The following ARHGAP6 variants were observed in gnomAD, a reference collection of about 807,000 sequenced individuals.
ARHGAP6 encodes the protein rho GTPase-activating protein 6.
ARHGAP6 carries 16 observed loss-of-function variants against 55.7 expected under a neutral mutation model. The ratio of observed to expected loss-of-function variants is 0.29; its 90% CI spans 0.19 to 0.44. The LOEUF (loss-of-function observed/expected upper bound fraction) is 0.44. ARHGAP6 is among the 20% of genes least tolerant of loss of function. The probability of loss-of-function intolerance (pLI) is 1.00; values close to 1 mark genes in which losing one functional copy is unlikely to be tolerated. For missense variants in ARHGAP6, 698 were observed against 808.9 expected, an observed-to-expected ratio of 0.86 and a Z score of 1.66; for synonymous variants, 382 against 360.9, an observed-to-expected ratio of 1.06 and a Z score of -0.66.
At chrX:11,152,356 C>T (rs1602737719) in intron 10 of ARHGAP6, among the ~76,000 whole-genome samples, 1 of 112,074 alleles carries the variant, frequency 8.9e-6, no homozygotes, top group East Asian at 2.8e-4. Flanking sequence ...GCCAATGCAG[C>T]CAGCACCATC....
At chrX:11,645,561 C>T (rs181504464) in intron 1 of ARHGAP6, among the ~76,000 whole-genome samples, 4 of 111,993 alleles carry the variant, frequency 3.6e-5, no homozygotes, top group Admixed American at 2.8e-4. Flanking sequence ...GACAAACATA[C>T]GTATTTTATT....
At chrX:11,344,678 C>CAAAAAAAAAAAAAAAAGAAAAAAAAAAAA (rs2048751974) in intron 1 of ARHGAP6, among the ~76,000 whole-genome samples, 1 of 28,271 alleles carries the variant, frequency 3.5e-5, no homozygotes, top group African/African-American at 1.5e-4. Context: ...AACTCCATCA[C>CAAAAAAAAAAAAAAAAGAAAAAAAAAAAA]AAAAAAAAAA....
At chrX:11,645,462 C>T (rs2052516997) in intron 1 of ARHGAP6, among the ~76,000 whole-genome samples, 2 of 111,596 alleles carry the variant, frequency 1.8e-5, no homozygotes, top group South Asian at 7.5e-4. Context: ...TACCAAGGTT[C>T]TCAGCAATTC....
At chrX:11,433,464 T>C (rs1569342602) in intron 1 of ARHGAP6, among the ~76,000 whole-genome samples, 1 of 112,149 alleles carries the variant, frequency 8.9e-6, no homozygotes, top group Non-Finnish European at 1.9e-5. Context: ...TTCTAATATA[T>C]ATGTTCTATT....
intron 1 of ARHGAP6, among the ~76,000 whole-genome samples, chrX:11,285,933 C>G (rs1329392953): frequency 8.9e-6 from 1 of 112,187 alleles, no homozygotes; most frequent in Non-Finnish European, 1.9e-5. Context: ...CACTTGTTTT[C>G]GTTAGCTACG....
Position 11,139,415 on chromosome X carries a change from G to A in ARHGAP6, c.2373C>T (p.Asp791=), listed in dbSNP as rs1009758. Residue 791 remains aspartate, a synonymous_variant, in exon 13 of 13, where the codon GAC becomes GAT. Coordinates refer to ENST00000337414, the MANE Select transcript of ARHGAP6 (RefSeq NM_013427.3). ...PRWQGSPAEL[D]SDTQGARRTQ... ...TCCTCCGAGCCCCCTGCGTGTCGCT[G>A]TCCAGCTCTGCGGGGCTCCCCTGCC... The A allele has an allele frequency of 5.9e-6, 7 of 1,187,633 alleles. No individual in the cohort carries two copies. The Admixed American group carries it at 1.7e-4, about 29-fold the overall frequency.
At chrX:11,556,421 T>C (rs1340385341) in intron 1 of ARHGAP6, among the ~76,000 whole-genome samples, 1 of 112,189 alleles carries the variant, frequency 8.9e-6, no homozygotes, top group Non-Finnish European at 1.9e-5. Flanking sequence ...GAGGCCAGGC[T>C]ATGTGCCAGT....
At chrX:11,628,880 AC>A (rs2052328601) in intron 1 of ARHGAP6, among the ~76,000 whole-genome samples, 1 of 112,444 alleles carries the variant, frequency 8.9e-6, no homozygotes, top group South Asian at 3.6e-4. Flanking sequence ...AATTATGTGT[AC>A]TAATCATTCC....
At chrX:11,190,739 T>C (rs182985357) in intron 3 of ARHGAP6, among the ~76,000 whole-genome samples, 85 of 111,135 alleles carry the variant, frequency 7.6e-4, no homozygotes, top group African/African-American at 2.7e-3. Context: ...TACTATAAGA[T>C]AGGGACTACT....
In ARHGAP6 at chrX:11,138,699, G is replaced by C; in HGVS notation, c.*164C>G. The C allele has an allele frequency of 1.9e-6, 1 of 537,220 alleles. No homozygotes were observed. The highest frequency in any genetic ancestry group is 3.7e-5 in the East Asian group (1 of 27,067). The allele number at this position is 537,220 out of a possible 1,213,427, so 44.3% of individuals were successfully genotyped here. The stretch of plus-strand genomic sequence containing the variant: ...CAATGGAACCTTATTCTCAATGGCG[G>C]GGGCGTGAGTGCTCTACCTCTGTAG... On this transcript the variant is annotated 3_prime_UTR_variant, in exon 13 of 13. Coordinates refer to ENST00000337414, the MANE Select transcript of ARHGAP6 (RefSeq NM_013427.3).
intron 1 of ARHGAP6, among the ~76,000 whole-genome samples, chrX:11,501,237 C>G (rs5935082): frequency 0.12 from 12,823 of 111,280 alleles, 735 homozygotes; most frequent in African/African-American, 0.21. Flanking sequence ...GATTGCTTCA[C>G]ACCAGGAAAT....
intron 10 of ARHGAP6, among the ~76,000 whole-genome samples, chrX:11,152,530 G>A (rs1017793419): frequency 9.0e-6 from 1 of 111,620 alleles, no homozygotes; most frequent in African/African-American, 3.3e-5. Context: ...CATATTTACT[G>A]TTATGTCCAG....
At chrX:11,508,738 T>C (rs2050757048) in intron 1 of ARHGAP6, among the ~76,000 whole-genome samples, 2 of 108,514 alleles carry the variant, frequency 1.8e-5, no homozygotes, top group African/African-American at 6.7e-5. Flanking sequence ...AGATATCCCT[T>C]CAACCATCAC....
chrX:11,573,125 T>A (rs747508608), intron 1 of ARHGAP6, among the ~76,000 whole-genome samples: 3 of 111,346 alleles, frequency 2.7e-5, no homozygotes, highest in Admixed American at 9.5e-5. Context: ...TGTTCTACCA[T>A]TTTGTAGGTT....
At chrX:11,370,887 G>A (rs2049136159) in intron 1 of ARHGAP6, among the ~76,000 whole-genome samples, 1 of 110,038 alleles carries the variant, frequency 9.1e-6, no homozygotes, top group Non-Finnish European at 1.9e-5. Context: ...TTCAAAGTAT[G>A]CTTACAAACA....
chrX:11,201,989 CTGTGTGTGTGTGTGTGTGTGTGTGTGTG>C (rs56023548), intron 2 of ARHGAP6, among the ~76,000 whole-genome samples: 10 of 65,536 alleles, frequency 1.5e-4, no homozygotes, highest in Non-Finnish European at 2.2e-4. Context: ...GCATCTGGAT[CTGTGTGTGTGTGTGTGTGTGTGTGTGTG>C]TGTGTGTGTG....
rs1274689353 is a variant in ARHGAP6, at chrX:11,174,573, CCTTT to C, written c.1629+3523_1629+3526del. Among the ~76,000 whole-genome samples the C allele has an allele frequency of 3.0e-3, 126 of 42,216 alleles. 1 individual carries two copies. The highest frequency in any genetic ancestry group is 3.8e-3 in the East Asian group (5 of 1,300). The allele number at this position is 42,216 out of a possible 115,157, so 36.7% of individuals were successfully genotyped here. On this transcript the variant is annotated intron_variant, in intron 8 of 12. Coordinates refer to ENST00000337414, the MANE Select transcript of ARHGAP6 (RefSeq NM_013427.3). ...TCCTTCCTTCCTTCCTTCCTTCCTT[CCTTT>C]CTTTCTTTCTTTCTTTTTCTTTCTT...
In ARHGAP6 at chrX:11,143,532, T is replaced by G. The variant is rs1030645754; in HGVS notation, c.2176+448A>C. 20 of 827,197 alleles carry G rather than the reference T, an allele frequency of 2.4e-5. No individual in the cohort carries two copies. In the African/African-American group the frequency reaches 4.1e-4, roughly 17 times the overall value. 68.2% of individuals were successfully genotyped at this position (827,197 alleles called of 1,213,427 possible). On this transcript the variant is annotated intron_variant, in intron 11 of 12. Coordinates refer to ENST00000337414, the MANE Select transcript of ARHGAP6 (RefSeq NM_013427.3). ...ATAGTGCTCTCTTGTCATTGGATACTAACACTATTTGGTTCTGGAAGGTTG... is the reference window on the plus strand; with the variant it reads ...ATAGTGCTCTCTTGTCATTGGATACGAACACTATTTGGTTCTGGAAGGTTG...
intron 1 of ARHGAP6, among the ~76,000 whole-genome samples, chrX:11,425,051 T>C (rs2049864490): frequency 8.9e-6 from 1 of 112,285 alleles, no homozygotes; most frequent in Admixed American, 9.4e-5. Context: ...CAACAGGCAT[T>C]CAACAAATGT....
Sources: allele counts gnomAD v4.1 joint callset (sites outside exome capture counted in the v4.1 genomes callset), GRCh38; gene constraint gnomAD v4.1.1; transcripts MANE v1.5; gene names NCBI Gene and HGNC (gene_info 2026-07-23, HGNC 2026-07-21).